CTDSPL2: variants seen among roughly 807,000 people sequenced by gnomAD.
CTDSPL2 encodes the protein CTD small phosphatase-like protein 2.
A neutral mutation model predicts 60.0 loss-of-function variants in CTDSPL2; 5 were observed. The ratio of observed to expected loss-of-function variants is 0.08; its 90% CI spans 0.04 to 0.18. The LOEUF is 0.18. Among genes scored for constraint, CTDSPL2 ranks in the 10% least tolerant of loss-of-function variants. The pLI is 1.00. For synonymous variants in CTDSPL2, 186 were observed against 189.3 expected (o/e 0.98, Z 0.14); for missense variants, 370 against 548.8 (o/e 0.67, Z 3.26).
chr15:44,466,739 T>G (rs2080701728), intron 2 of CTDSPL2, among the ~76,000 whole-genome samples: 1 of 150,552 alleles, frequency 6.6e-6, no homozygotes, highest in Admixed American at 6.6e-5. Context: ...GGTCAGGAGA[T>G]CGAGACCACA....
intron 4 of CTDSPL2, among the ~76,000 whole-genome samples, chr15:44,490,241 G>A (rs1308465801): frequency 2.0e-5 from 3 of 152,046 alleles, no homozygotes; most frequent in Admixed American, 6.6e-5. Flanking sequence ...GGGCCCAAGC[G>A]ATCCTCCCAC....
At chr15:44,490,709 A>T in intron 4 of CTDSPL2, 75 bp from the exon 5 acceptor site, 1 of 1,039,502 alleles carries the variant, frequency 9.6e-7, no homozygotes, top group Non-Finnish European at 1.5e-6. Flanking sequence ...AATATATTGT[A>T]CGGTGATGCT....
intron 1 of CTDSPL2, among the ~76,000 whole-genome samples, chr15:44,453,411 T>G (rs947571822): frequency 2.0e-5 from 3 of 152,186 alleles, no homozygotes; most frequent in African/African-American, 7.2e-5. Context: ...GTGGATTTTT[T>G]TTTTGTTTTT....
At chr15:44,431,868 C>G (rs1369981491) in intron 1 of CTDSPL2, among the ~76,000 whole-genome samples, 1 of 151,786 alleles carries the variant, frequency 6.6e-6, no homozygotes, top group African/African-American at 2.4e-5. Flanking sequence ...CAGGCGCCCA[C>G]CACGACGGCC....
At chr15:44,484,513 T>G in intron 3 of CTDSPL2, 151 bp downstream of exon 3, 1 of 711,654 alleles carries the variant, frequency 1.4e-6, no homozygotes, top group Non-Finnish European at 2.3e-6. Context: ...GGTCGGCGGA[T>G]CATTTGAGGC....
chr15:44,482,152 C>T (rs1480603862), intron 2 of CTDSPL2, among the ~76,000 whole-genome samples: 22 of 152,174 alleles, frequency 1.4e-4, no homozygotes, highest in African/African-American at 4.8e-4. Context: ...TGGTCCCAGT[C>T]GTTGTTGTTT....
Position 44,478,637 on chromosome 15 carries a change from C to A in CTDSPL2, c.187-5587C>A, listed in dbSNP as rs1213490060. On this transcript the variant is annotated intron_variant, in intron 2 of 12. Coordinates refer to ENST00000260327, the MANE Select transcript of CTDSPL2 (RefSeq NM_016396.3). ...TTTTCTTCCAACATGAAAAGCGTTT[C>A]TGTCAAACGTTTGATAATATAATTT... 2.0e-5 allele frequency among the ~76,000 whole-genome samples: 3 copies of A among 151,962 alleles called. No homozygotes were observed. In the East Asian group the frequency reaches 5.8e-4, roughly 29 times the overall value.
At chr15:44,462,665 A>G (rs558799451) in intron 2 of CTDSPL2, among the ~76,000 whole-genome samples, 1 of 149,458 alleles carries the variant, frequency 6.7e-6, no homozygotes, top group Admixed American at 6.6e-5. Flanking sequence ...TCCATGGCCC[A>G]GAGGCTGGGG....
intron 2 of CTDSPL2, among the ~76,000 whole-genome samples, chr15:44,464,263 A>G (rs946328093): frequency 5.9e-5 from 9 of 152,224 alleles, no homozygotes; most frequent in Non-Finnish European, 1.3e-4. Flanking sequence ...CTTACAAACC[A>G]TATGAGATAG....
At chr15:44,453,225 T>G (rs1038976056) in intron 1 of CTDSPL2, among the ~76,000 whole-genome samples, 4 of 152,154 alleles carry the variant, frequency 2.6e-5, no homozygotes, top group Admixed American at 6.5e-5. Flanking sequence ...GTTCCTGATG[T>G]TAGAGGGACA....
chr15:44,446,526 A>T (rs1355623116), intron 1 of CTDSPL2, among the ~76,000 whole-genome samples: 1 of 151,944 alleles, frequency 6.6e-6, no homozygotes, highest in Non-Finnish European at 1.5e-5. Flanking sequence ...GCTACTTGGG[A>T]GGCCAAGGCA....
chr15:44,481,288 C>T (rs986309900), intron 2 of CTDSPL2, among the ~76,000 whole-genome samples: 1 of 152,128 alleles, frequency 6.6e-6, no homozygotes. Flanking sequence ...CTTCCTCTTC[C>T]GTTTTTGTAA....
chr15:44,495,656 G>A (rs572436584), intron 5 of CTDSPL2, among the ~76,000 whole-genome samples: 5 of 152,164 alleles, frequency 3.3e-5, no homozygotes, highest in African/African-American at 7.2e-5. Flanking sequence ...TTCATGGTCC[G>A]GGCGCAGTGG....
chr15:44,437,702 A>G (rs2080004618), intron 1 of CTDSPL2, among the ~76,000 whole-genome samples: 1 of 152,218 alleles, frequency 6.6e-6, no homozygotes, highest in African/African-American at 2.4e-5. Flanking sequence ...TACTAGAATT[A>G]TGGATCCAGC....
chr15:44,494,772 C>T (rs928291517), intron 5 of CTDSPL2, among the ~76,000 whole-genome samples: 13 of 151,738 alleles, frequency 8.6e-5, no homozygotes, highest in East Asian at 3.9e-4. Context: ...AAAAATTAGC[C>T]GGGCGTGGTA....
rs973472240 is a variant in CTDSPL2 at position 44,495,440 on chromosome 15, G to T, written c.692-940G>T. ...TACTAAAAATACAATAATTAGCCAGGTGTGGTGGCACATGCCTGTAGTCCC... is the reference window on the plus strand; with the variant it reads ...TACTAAAAATACAATAATTAGCCAGTTGTGGTGGCACATGCCTGTAGTCCC... On this transcript the variant is annotated intron_variant, in intron 5 of 12. Coordinates refer to ENST00000260327, the MANE Select transcript of CTDSPL2 (RefSeq NM_016396.3). 6.6e-5 allele frequency among the ~76,000 whole-genome samples: 10 copies of T among 151,978 alleles called. No homozygotes were observed. The East Asian group carries it at 9.7e-4, about 15-fold the overall frequency.
intron 2 of CTDSPL2, among the ~76,000 whole-genome samples, chr15:44,464,664 C>T (rs2080646927): frequency 6.6e-6 from 1 of 152,142 alleles, no homozygotes; most frequent in Non-Finnish European, 1.5e-5. Flanking sequence ...TCTTTACAGA[C>T]ACTGGTCATA....
At chr15:44,436,520 A>G (rs1027480370) in intron 1 of CTDSPL2, among the ~76,000 whole-genome samples, 3 of 152,156 alleles carry the variant, frequency 2.0e-5, no homozygotes, top group Admixed American at 1.3e-4. Flanking sequence ...CTGATGTCCA[A>G]TAATTTCTTT....
chr15:44,485,081 A>C (rs2081094233), intron 3 of CTDSPL2, among the ~76,000 whole-genome samples: 1 of 152,190 alleles, frequency 6.6e-6, no homozygotes, highest in African/African-American at 2.4e-5. Flanking sequence ...TTTTTCCTCC[A>C]AGGGACATTT....
Sources: gnomAD v4.1 joint callset for allele counts (sites outside exome capture counted in the v4.1 genomes callset) on GRCh38, gnomAD v4.1.1 for gene constraint, MANE v1.5 for transcripts, NCBI Gene and HGNC (gene_info 2026-07-23, HGNC 2026-07-21) for gene names.